Variants in BBS9 observed in about 807,000 individuals in gnomAD.
BBS9 encodes the protein protein PTHB1.
A neutral mutation model predicts 117.7 loss-of-function variants in BBS9; 89 were observed. That is an observed-to-expected ratio of 0.76 (90% CI 0.64 to 0.90). The LOEUF is 0.90. Among genes scored for constraint, BBS9 ranks in the 40% least tolerant of loss-of-function variants. BBS9 has a pLI of 0.00. For missense variants in BBS9, 982 were observed against 1,042.2 expected (o/e 0.94, Z 0.80); for synonymous variants, 379 against 370.9 (o/e 1.02, Z -0.25).
At chr7:33,238,183 A>G (rs865946738) in intron 5 of BBS9, among the ~76,000 whole-genome samples, 4 of 152,222 alleles carry the variant, frequency 2.6e-5, no homozygotes, top group Middle Eastern at 3.2e-3. Context: ...ATGTTTGAAC[A>G]TGTGATTTTA....
Position 33,388,030 on chromosome 7 carries a change from T to TGA in BBS9, c.2007_2008dup (p.Ala670GlufsTer13), listed in dbSNP as rs1266192229. 8 of 1,614,046 alleles carry TGA rather than the reference T, an allele frequency of 5.0e-6. No homozygotes were observed. The highest frequency in any genetic ancestry group is 1.3e-5 in the African/African-American group (1 of 74,940). ...GTGAAAAATTAGAAGAACTCTTATCTGAGAGAGCTGTACAATTTCGGGCCA... is the reference window on the plus strand; with the variant it reads ...GTGAAAAATTAGAAGAACTCTTATCTGAGAGAGAGCTGTACAATTTCGGGCCA... On this transcript the variant is annotated frameshift_variant, in exon 19 of 23. Coordinates refer to ENST00000242067, the MANE Select transcript of BBS9 (RefSeq NM_198428.3). LOFTEE classifies it high-confidence loss of function.
At chr7:33,388,342 G>A (rs888619086) in intron 19 of BBS9, among the ~76,000 whole-genome samples, 198 bp downstream of exon 19, 1 of 152,126 alleles carries the variant, frequency 6.6e-6, no homozygotes, top group Non-Finnish European at 1.5e-5. Flanking sequence ...GTGACCTTGG[G>A]TAAATTACAT....
chr7:33,539,552 T>C (rs1851947641), intron 21 of BBS9, among the ~76,000 whole-genome samples: 3 of 152,334 alleles, frequency 2.0e-5, no homozygotes, highest in East Asian at 3.9e-4. Flanking sequence ...TGAATGACAA[T>C]AGTGCATACT....
intron 1 of BBS9, among the ~76,000 whole-genome samples, chr7:33,142,458 A>G (rs536995421): frequency 6.6e-6 from 1 of 152,380 alleles, no homozygotes; most frequent in Non-Finnish European, 1.5e-5. Context: ...TGGTAAAATA[A>G]TGTGACATAA....
At chr7:33,263,746 T>C (rs1271678946) in intron 6 of BBS9, among the ~76,000 whole-genome samples, 2 of 152,142 alleles carry the variant, frequency 1.3e-5, no homozygotes, top group Non-Finnish European at 2.9e-5. Context: ...CACTTTATAA[T>C]TTATTGTTTA....
At chr7:33,378,254 G>T (rs1013206971) in intron 17 of BBS9, among the ~76,000 whole-genome samples, 2 of 152,130 alleles carry the variant, frequency 1.3e-5, no homozygotes, top group Non-Finnish European at 2.9e-5. Context: ...CTTCTCACTA[G>T]AATGAGGACT....
intron 5 of BBS9, among the ~76,000 whole-genome samples, chr7:33,251,964 G>A (rs1796284945): frequency 6.6e-6 from 1 of 152,176 alleles, no homozygotes; most frequent in African/African-American, 2.4e-5. Flanking sequence ...AAATACCCAT[G>A]ACTGGTAATT....
chr7:33,379,545 G>A (rs770596161), intron 17 of BBS9, among the ~76,000 whole-genome samples: 5 of 152,142 alleles, frequency 3.3e-5, no homozygotes, highest in Non-Finnish European at 7.4e-5. Flanking sequence ...AATTAGCACT[G>A]TGAAATTTCT....
rs137936503 is a variant in BBS9, at chr7:33,188,706, T to A, written c.442+11115T>A. Among the ~76,000 whole-genome samples, 620 of 152,246 alleles carry A rather than the reference T, an allele frequency of 4.1e-3. 7 individuals are homozygous for A. Among genetic ancestry groups the A allele is most frequent in the African/African-American group, 0.014 (588 of 41,536 alleles). ...GGAGTATTGGAAAGAAAATGTTGGATTTGGTCATTTGCAAGTCATTGGTGA... is the reference window on the plus strand; with the variant it reads ...GGAGTATTGGAAAGAAAATGTTGGAATTGGTCATTTGCAAGTCATTGGTGA... On this transcript the variant is annotated intron_variant, in intron 5 of 22. Transcript: ENST00000242067.
chr7:33,138,771 GA>G (rs995950876), intron 1 of BBS9, among the ~76,000 whole-genome samples: 2 of 150,572 alleles, frequency 1.3e-5, no homozygotes, highest in Non-Finnish European at 2.9e-5. Flanking sequence ...TGGTGGGGGG[GA>G]AAGATGGGGT....
chr7:33,324,319 C>A (rs1219277771), intron 9 of BBS9, among the ~76,000 whole-genome samples: 2 of 152,126 alleles, frequency 1.3e-5, no homozygotes. Flanking sequence ...CATAAACAAG[C>A]AAACAAATCA....
At chr7:33,194,366 A>G (rs1784617945) in intron 5 of BBS9, among the ~76,000 whole-genome samples, 1 of 152,160 alleles carries the variant, frequency 6.6e-6, no homozygotes, top group South Asian at 2.1e-4. Context: ...AGCCCTGAAG[A>G]TTCTTGGAAA....
intron 19 of BBS9, among the ~76,000 whole-genome samples, chr7:33,483,115 A>G (rs1842700061): frequency 6.6e-6 from 1 of 152,096 alleles, no homozygotes; most frequent in African/African-American, 2.4e-5. Flanking sequence ...GGCGGGGGGA[A>G]TAGCTTTAAA....
At chr7:33,350,744 G>C (rs1299218219) in intron 13 of BBS9, among the ~76,000 whole-genome samples, 1 of 151,806 alleles carries the variant, frequency 6.6e-6, no homozygotes, top group Non-Finnish European at 1.5e-5. Context: ...TTCTTTTTTT[G>C]TTTTTGTTTC....
chr7:33,526,116 C>A (rs1849457578), intron 20 of BBS9, among the ~76,000 whole-genome samples: 2 of 151,470 alleles, frequency 1.3e-5, no homozygotes, highest in Admixed American at 6.6e-5. Flanking sequence ...GCTGAGAGAT[C>A]CGCTGTTAGT....
chr7:33,302,286 A>T (rs996733502), intron 9 of BBS9, among the ~76,000 whole-genome samples: 12 of 152,032 alleles, frequency 7.9e-5, no homozygotes, highest in African/African-American at 2.4e-4. Flanking sequence ...ACTTGATGTG[A>T]TCCCATTTGT....
chr7:33,323,800 C>A (rs1045110454), intron 9 of BBS9, among the ~76,000 whole-genome samples: 1 of 135,436 alleles, frequency 7.4e-6, no homozygotes, highest in African/African-American at 2.8e-5. Context: ...GGTTTCTGGT[C>A]TTCTCTTCCT....
chr7:33,596,754 A>G (rs147803719), intron 21 of BBS9, among the ~76,000 whole-genome samples: 58 of 152,216 alleles, frequency 3.8e-4, no homozygotes, highest in Non-Finnish European at 7.2e-4. Context: ...GTAGAAGTGC[A>G]TACACAGAAA....
rs571873271 is a variant in BBS9 at position 33,341,541 on chromosome 7, A to G, written c.1275+568A>G. On this transcript the variant is annotated intron_variant, in intron 11 of 22. Transcript: ENST00000242067. The stretch of plus-strand genomic sequence containing the variant: ...TAGTCTCAATTTTCTCATCCACAAA[A>G]TGGGAATAATAATAGAATCTACTTT... Among the ~76,000 whole-genome samples, 8 of 152,236 alleles carry G rather than the reference A, an allele frequency of 5.3e-5. No homozygotes were observed. In the South Asian group the frequency reaches 1.7e-3, roughly 32 times the overall value.
Sources: gnomAD v4.1 joint callset for allele counts (sites outside exome capture counted in the v4.1 genomes callset) on GRCh38, gnomAD v4.1.1 for gene constraint, MANE v1.5 for transcripts, NCBI Gene and HGNC (gene_info 2026-07-23, HGNC 2026-07-21) for gene names.